Variants in HEMK2 observed in about 807,000 individuals in gnomAD.
The protein encoded by HEMK2 is HemK methyltransferase 2, ETF1 glutamine and histone H4 lysine.
chr21:28,884,094 C>G, the HEMK2 span, among the ~76,000 whole-genome samples: 2 of 152,200 alleles, frequency 1.3e-5, no homozygotes, highest in Non-Finnish European at 2.9e-5. Flanking sequence ...CACCAGGTGG[C>G]TTCTCTTTGA....
the HEMK2 span, among the ~76,000 whole-genome samples, chr21:28,576,336 A>G: frequency 6.6e-6 from 1 of 152,160 alleles, no homozygotes; most frequent in African/African-American, 2.4e-5. Flanking sequence ...TTGAATATTA[A>G]TGATATTGAC....
chr21:28,732,411 C>T, the HEMK2 span, among the ~76,000 whole-genome samples: 1 of 152,190 alleles, frequency 6.6e-6, no homozygotes, highest in Admixed American at 6.5e-5. Flanking sequence ...TGTGAATTCC[C>T]AAAGATAATA....
At chr21:28,733,309 TTAAGAA>T in the HEMK2 span, among the ~76,000 whole-genome samples, 1 of 152,048 alleles carries the variant, frequency 6.6e-6, no homozygotes, top group South Asian at 2.1e-4. Flanking sequence ...AACAAAAACA[TTAAGAA>T]TAAGCAGCAA....
At chr21:28,702,219 A>G in the HEMK2 span, among the ~76,000 whole-genome samples, 1 of 152,158 alleles carries the variant, frequency 6.6e-6, no homozygotes. Flanking sequence ...ACCTAAAACT[A>G]TAAAAACCCA....
chr21:28,743,456 A>G, the HEMK2 span, among the ~76,000 whole-genome samples: 1 of 152,190 alleles, frequency 6.6e-6, no homozygotes, highest in Non-Finnish European at 1.5e-5. Context: ...TCAGCCCATA[A>G]CAGGAAATAA....
At chr21:28,761,670 A>C in the HEMK2 span, among the ~76,000 whole-genome samples, 1 of 151,806 alleles carries the variant, frequency 6.6e-6, no homozygotes, top group Non-Finnish European at 1.5e-5. Flanking sequence ...TGGCCTGGGA[A>C]GGGTTACTGG....
At chr21:28,660,859 C>T in the HEMK2 span, among the ~76,000 whole-genome samples, 32 of 152,112 alleles carry the variant, frequency 2.1e-4, no homozygotes, top group African/African-American at 7.5e-4. Context: ...AATAGTGAAG[C>T]TATGTGAGCC....
At chr21:28,672,916 C>T in the HEMK2 span, among the ~76,000 whole-genome samples, 1 of 150,920 alleles carries the variant, frequency 6.6e-6, no homozygotes, top group African/African-American at 2.4e-5. Context: ...TTCTATTCTT[C>T]CTTCTACATG....
chr21:28,770,338 C>A, the HEMK2 span, among the ~76,000 whole-genome samples: 50 of 152,236 alleles, frequency 3.3e-4, no homozygotes, highest in African/African-American at 1.2e-3. Context: ...AATCAAGCCC[C>A]TTTACTTTCT....
At chr21:28,668,536 T>G in the HEMK2 span, among the ~76,000 whole-genome samples, 1 of 152,220 alleles carries the variant, frequency 6.6e-6, no homozygotes. Context: ...AAACCTTATT[T>G]GAACAGGAAG....
At chr21:28,841,253 A>AT in the HEMK2 span, among the ~76,000 whole-genome samples, 2 of 5,228 alleles carry the variant, frequency 3.8e-4, no homozygotes, top group Non-Finnish European at 2.6e-4. Context: ...TATATAATAT[A>AT]TTATATATAA....
chr21:28,878,068 A>C, the HEMK2 span: 2 of 785,434 alleles, frequency 2.5e-6, no homozygotes, highest in Non-Finnish European at 3.8e-6. Context: ...AGCTACTGTC[A>C]GTGATTAACT....
chr21:28,649,945 T>C, the HEMK2 span, among the ~76,000 whole-genome samples: 1 of 152,102 alleles, frequency 6.6e-6, no homozygotes, highest in Admixed American at 6.6e-5. Flanking sequence ...AATTCAAATA[T>C]ATGCATGGGA....
the HEMK2 span, among the ~76,000 whole-genome samples, chr21:28,746,294 C>T: frequency 3.3e-5 from 5 of 152,092 alleles, no homozygotes; most frequent in African/African-American, 7.2e-5. Context: ...TGAAATGTCT[C>T]AATAACAACA....
At chr21:28,739,667 C>G in the HEMK2 span, among the ~76,000 whole-genome samples, 57 of 152,362 alleles carry the variant, frequency 3.7e-4, no homozygotes, top group African/African-American at 1.3e-3. Context: ...TCTATCTGTA[C>G]TGTCCCTATA....
the HEMK2 span, among the ~76,000 whole-genome samples, chr21:28,762,374 C>T: frequency 6.6e-6 from 1 of 151,996 alleles, no homozygotes; most frequent in Non-Finnish European, 1.5e-5. Flanking sequence ...CCATGGTCTA[C>T]ATTAAAAACA....
At chr21:28,653,039 T>A in the HEMK2 span, among the ~76,000 whole-genome samples, 879 of 152,200 alleles carry the variant, frequency 5.8e-3, 5 homozygotes, top group Non-Finnish European at 8.5e-3. Context: ...AATTTGCATG[T>A]AATTGAAAGT....
chr21:28,588,273 C>T, the HEMK2 span, among the ~76,000 whole-genome samples: 23 of 152,312 alleles, frequency 1.5e-4, no homozygotes, highest in African/African-American at 5.3e-4. Flanking sequence ...AAGCTTCTTG[C>T]TCTACCCATT....
At chr21:28,709,135 C>G in the HEMK2 span, among the ~76,000 whole-genome samples, 4 of 152,172 alleles carry the variant, frequency 2.6e-5, no homozygotes, top group Non-Finnish European at 5.9e-5. Context: ...GGGCTCCACC[C>G]TAGTGACCTA....
Sources: gnomAD v4.1 joint callset for allele counts (sites outside exome capture counted in the v4.1 genomes callset) on GRCh38, gnomAD v4.1.1 for gene constraint, MANE v1.5 for transcripts, NCBI Gene and HGNC (gene_info 2026-07-23, HGNC 2026-07-21) for gene names.